The following SCN3A variants were observed in gnomAD, a reference collection of about 807,000 sequenced individuals.
The protein encoded by SCN3A is sodium channel protein type 3 subunit alpha.
Under a neutral mutation model 187.6 loss-of-function variants are expected in SCN3A, and 60 were observed. That is an observed-to-expected ratio of 0.32 (90% CI 0.26 to 0.40). SCN3A has a LOEUF of 0.40. Among genes scored for constraint, SCN3A ranks in the 10% least tolerant of loss-of-function variants. SCN3A has a pLI of 1.00. For missense variants in SCN3A, 1,601 were observed against 2,428.2 expected (o/e 0.66, Z 7.16); for synonymous variants, 788 against 829.2 (o/e 0.95, Z 0.85).
chr2:165,095,707 T>A (rs1214050028), intron 24 of SCN3A, 59 bp from the exon 25 acceptor site: 7 of 1,006,358 alleles, frequency 7.0e-6, no homozygotes, highest in Non-Finnish European at 1.1e-5. Flanking sequence ...TTACACTAAA[T>A]CAGTAATTTA....
At chr2:165,094,771 T>C (rs1685283149) in intron 25 of SCN3A, among the ~76,000 whole-genome samples, 1 of 152,194 alleles carries the variant, frequency 6.6e-6, no homozygotes, top group South Asian at 2.1e-4. Context: ...ATTTTCTTAG[T>C]CCATTTCACT....
At chr2:165,187,174 G>A (rs1017247910) in intron 1 of SCN3A, among the ~76,000 whole-genome samples, 4 of 152,126 alleles carry the variant, frequency 2.6e-5, no homozygotes, top group African/African-American at 7.2e-5. Flanking sequence ...CATTGGTGTT[G>A]TAGGTCATTT....
At chr2:165,135,452 T>A (rs1161205334) in intron 15 of SCN3A, among the ~76,000 whole-genome samples, 1 of 152,062 alleles carries the variant, frequency 6.6e-6, no homozygotes, top group Non-Finnish European at 1.5e-5. Flanking sequence ...TATGCAATAA[T>A]TTGAGCAGTA....
chr2:165,105,680 C>T (rs1685816285), intron 21 of SCN3A, among the ~76,000 whole-genome samples: 1 of 152,058 alleles, frequency 6.6e-6, no homozygotes, highest in African/African-American at 2.4e-5. Flanking sequence ...GTGGGAAGTG[C>T]AGTCTCTATG....
intron 1 of SCN3A, among the ~76,000 whole-genome samples, chr2:165,200,057 T>A (rs1332234840): frequency 1.3e-5 from 2 of 152,130 alleles, no homozygotes; most frequent in South Asian, 4.1e-4. Context: ...CAAGAAGTAA[T>A]TCAGATGTCA....
At chr2:165,194,671 T>G (rs1346791143) in intron 1 of SCN3A, among the ~76,000 whole-genome samples, 1 of 152,064 alleles carries the variant, frequency 6.6e-6, no homozygotes, top group Non-Finnish European at 1.5e-5. Flanking sequence ...ACATGACATC[T>G]TCATGAAATG....
At chr2:165,095,696 C>T (rs1259907109) in intron 24 of SCN3A, 48 bp from the exon 25 acceptor site, 1 of 1,060,918 alleles carries the variant, frequency 9.4e-7, no homozygotes, top group Non-Finnish European at 1.4e-6. Context: ...ACTATAAATA[C>T]TTACACTAAA....
chr2:165,194,582 T>C lies in SCN3A; in HGVS notation c.-247-7835A>G, dbSNP rs1236591638. Among the ~76,000 whole-genome samples the C allele has an allele frequency of 7.9e-5, 12 of 152,146 alleles. No homozygotes were observed. In the East Asian group the frequency reaches 2.3e-3, roughly 29 times the overall value. On this transcript the variant is annotated intron_variant, in intron 1 of 27. Coordinates refer to ENST00000283254, the MANE Select transcript of SCN3A (RefSeq NM_006922.4). ...TGATAAATAATATAAATGCCTTGAG[T>C]AGAATATAACTTGAAGATCAGTTGC...
rs1199409881 is a variant in SCN3A at position 165,090,348 on chromosome 2, C to A, written c.5805G>T (p.Arg1935Ser). 1 of 1,613,076 alleles carries A rather than the reference C, an allele frequency of 6.2e-7. No homozygotes were observed. The highest frequency in any genetic ancestry group is 2.2e-5 in the East Asian group (1 of 44,876). The change falls in exon 28 of 28, where the codon AGG becomes AGT. Residue 1935 changes from arginine to serine, a missense_variant. Arg to Ser is a moderately radical substitution (Grantham distance 110). Around this residue, in one of 11 missense-constraint regions of SCN3A, gnomAD observed 87 missense variants for 89.2 expected, o/e 0.98. Coordinates refer to ENST00000283254, the MANE Select transcript of SCN3A (RefSeq NM_006922.4). The surrounding 1 kb of genome is among the most constrained non-coding windows in gnomAD (Gnocchi z 4.0). ...TGTCTTGTTTTATAGGTAAGTCAAT[C>A]CTCCCTTTAATTGCCTCTTTGTTAT... The part of the protein sequence containing the change: ...SNYNKEAIKG[R>S]IDLPIKQDMI...
intron 1 of SCN3A, among the ~76,000 whole-genome samples, chr2:165,188,339 A>T (rs201368098): frequency 2.4e-4 from 36 of 152,184 alleles, no homozygotes; most frequent in African/African-American, 8.4e-4. Flanking sequence ...TGATTCCTGC[A>T]TGTGGATTAA....
chr2:165,156,512 CAAAAAAAAAAAAAAAAAAAAAAAAAAA>C (rs558407270), intron 9 of SCN3A, among the ~76,000 whole-genome samples: 1 of 63,706 alleles, frequency 1.6e-5, no homozygotes, highest in African/African-American at 5.4e-5. Context: ...GACTCTGACT[CAAAAAAAAAAAAAAAAAAAAAAAAAAA>C]AAAAAAAAAA....
intron 1 of SCN3A, among the ~76,000 whole-genome samples, chr2:165,197,924 T>G (rs16850231): frequency 0.011 from 1,705 of 152,094 alleles, 26 homozygotes; most frequent in African/African-American, 0.039. Context: ...TAAATGTAGT[T>G]ATTATTGGCT....
chr2:165,129,158 T>G (rs1435201038), intron 17 of SCN3A, among the ~76,000 whole-genome samples: 1 of 152,144 alleles, frequency 6.6e-6, no homozygotes, highest in African/African-American at 2.4e-5. Context: ...TTATCTGAAA[T>G]GTATCCCTCA....
intron 18 of SCN3A, among the ~76,000 whole-genome samples, chr2:165,121,729 T>G (rs988141062): frequency 6.6e-5 from 10 of 152,294 alleles, no homozygotes; most frequent in Admixed American, 5.2e-4. Context: ...ACTCTTTACA[T>G]TTCCTTCAAA....
In SCN3A at chr2:165,100,401, G is replaced by A; in HGVS notation, c.3867C>T (p.Ala1289=). 2 of 1,613,504 alleles carry A rather than the reference G, an allele frequency of 1.2e-6. No individual in the cohort carries two copies. The highest frequency in any genetic ancestry group is 1.7e-6 in the Non-Finnish European group (2 of 1,179,812). The stretch of plus-strand genomic sequence containing the variant: ...CGAGTTCTGAGTAGCCAAGAGCATT[G>A]GCTACCAGGCTAACCAAAGAAACCT... ...IVDVSLVSLV[A]NALGYSELGA... is the part of the protein sequence containing the mutation. Residue 1289 remains alanine, a synonymous_variant, in exon 22 of 28, where the codon GCC becomes GCT. Transcript: ENST00000283254.
In SCN3A at chr2:165,132,335, C is replaced by T. The variant is rs1687384297; in HGVS notation, c.2392-918G>A. On this transcript the variant is annotated intron_variant, in intron 15 of 27. Coordinates refer to ENST00000283254, the MANE Select transcript of SCN3A (RefSeq NM_006922.4). ...CCTGCATCGCCCAGTCAATCCTAAG[C>T]CAAAAGAACAAAGCTGGAGGCATCA... 2.0e-5 allele frequency among the ~76,000 whole-genome samples: 3 copies of T among 152,176 alleles called. No individual in the cohort carries two copies. The Middle Eastern group carries it at 0.01, about 518-fold the overall frequency.
At chr2:165,107,655 T>A (rs1315199799) in intron 21 of SCN3A, among the ~76,000 whole-genome samples, 1 of 152,220 alleles carries the variant, frequency 6.6e-6, no homozygotes, top group Non-Finnish European at 1.5e-5. Flanking sequence ...TGGGAACTCT[T>A]TGACTAGTTC....
intron 9 of SCN3A, among the ~76,000 whole-genome samples, chr2:165,160,729 C>A (rs927947941): frequency 6.6e-6 from 1 of 152,020 alleles, no homozygotes; most frequent in Non-Finnish European, 1.5e-5. Context: ...CTACCTCCAT[C>A]TTTCACGTTT....
intron 1 of SCN3A, among the ~76,000 whole-genome samples, chr2:165,191,414 A>G (rs886102887): frequency 2.0e-5 from 3 of 152,088 alleles, no homozygotes; most frequent in African/African-American, 7.2e-5. Flanking sequence ...ACAATTGCCT[A>G]AAAGGCCTTA....
Sources: allele counts gnomAD v4.1 joint callset (sites outside exome capture counted in the v4.1 genomes callset), GRCh38; gene constraint gnomAD v4.1.1; regional missense constraint gnomAD v4.1.1; non-coding constraint Gnocchi (gnomAD v3.1); transcripts MANE v1.5; gene names NCBI Gene and HGNC (gene_info 2026-07-23, HGNC 2026-07-21).